The following SPCS2 variants were observed in gnomAD, a reference collection of about 807,000 sequenced individuals.
SPCS2 encodes SPase 25 kDa subunit.
SPCS2 carries 3 observed loss-of-function variants against 22.3 expected under a neutral mutation model. The ratio of observed to expected loss-of-function variants is 0.13; its 90% CI spans 0.06 to 0.35. SPCS2 has a LOEUF of 0.35. Among genes scored for constraint, SPCS2 ranks in the 10% least tolerant of loss-of-function variants. The pLI is 1.00. For synonymous variants in SPCS2, 67 were observed against 97.2 expected (o/e 0.69, Z 1.83); for missense variants, 169 against 280.9 (o/e 0.60, Z 2.85).
At chr11:74,953,060 G>A (rs543113569) in intron 1 of SPCS2, among the ~76,000 whole-genome samples, 6 of 152,302 alleles carry the variant, frequency 3.9e-5, no homozygotes, top group African/African-American at 1.2e-4. Context: ...TCAGTCTTCA[G>A]AAACAGCTTT....
intron 1 of SPCS2, among the ~76,000 whole-genome samples, chr11:74,955,325 C>T (rs997724824): frequency 6.6e-6 from 1 of 152,190 alleles, no homozygotes. Flanking sequence ...TAGAAACAGT[C>T]TGTCAGCTGA....
At chr11:74,949,724 C>A (rs1038790366) in intron 1 of SPCS2, 3 of 454,760 alleles carry the variant, frequency 6.6e-6, no homozygotes, top group Admixed American at 2.4e-5. Context: ...GTTGTCAGTG[C>A]CCATTTCACA....
intron 4 of SPCS2, among the ~76,000 whole-genome samples, chr11:74,974,111 C>CT (rs11454192): frequency 0.69 from 102,245 of 148,296 alleles, 36,219 homozygotes; most frequent in Middle Eastern, 0.85. Context: ...CTTTGTAATA[C>CT]TTTTTTTTTT....
intron 4 of SPCS2, among the ~76,000 whole-genome samples, chr11:74,974,905 C>T (rs1948606608): frequency 6.6e-6 from 1 of 152,136 alleles, no homozygotes; most frequent in African/African-American, 2.4e-5. Context: ...TGAGCCACGG[C>T]ACCCGGCCCA....
At chr11:74,953,590 AT>A (rs1948459270) in intron 1 of SPCS2, among the ~76,000 whole-genome samples, 1 of 152,206 alleles carries the variant, frequency 6.6e-6, no homozygotes, top group Non-Finnish European at 1.5e-5. Flanking sequence ...AAGAAGTGTA[AT>A]AAAGAGATGC....
At chr11:74,950,817 A>C (rs1414393989) in intron 1 of SPCS2, among the ~76,000 whole-genome samples, 2 of 152,188 alleles carry the variant, frequency 1.3e-5, no homozygotes, top group Non-Finnish European at 2.9e-5. Context: ...AAGTGCTGGG[A>C]TTACAGGCAT....
chr11:74,951,365 C>A (rs572594749), intron 1 of SPCS2, among the ~76,000 whole-genome samples: 1 of 152,196 alleles, frequency 6.6e-6, no homozygotes, highest in South Asian at 2.1e-4. Flanking sequence ...ATCAAGAATC[C>A]TACTGTCAGA....
intron 1 of SPCS2, among the ~76,000 whole-genome samples, chr11:74,953,011 C>T (rs945591725): frequency 6.6e-6 from 1 of 152,112 alleles, no homozygotes; most frequent in Non-Finnish European, 1.5e-5. Context: ...GTACTTTTAG[C>T]ATTGAATTTC....
intron 3 of SPCS2, among the ~76,000 whole-genome samples, 181 bp from the exon 4 acceptor site, chr11:74,969,384 G>C (rs1948567871): frequency 6.6e-6 from 1 of 152,094 alleles, no homozygotes; most frequent in Admixed American, 6.5e-5. Flanking sequence ...AGAGAGCCTT[G>C]CTTCTCTTGG....
intron 3 of SPCS2, chr11:74,968,148 C>G (rs1482664901): frequency 6.6e-6 from 1 of 152,050 alleles, no homozygotes; most frequent in Non-Finnish European, 1.5e-5. Flanking sequence ...CTATATTTTC[C>G]TGCCTTTCCT....
intron 4 of SPCS2, among the ~76,000 whole-genome samples, chr11:74,972,692 C>T (rs1189067952): frequency 6.6e-6 from 1 of 151,476 alleles, no homozygotes; most frequent in African/African-American, 2.4e-5. Flanking sequence ...CCCCTATAAC[C>T]TAGCCATCTC....
intron 3 of SPCS2, among the ~76,000 whole-genome samples, chr11:74,967,283 C>T (rs1948552340): frequency 6.6e-6 from 1 of 152,146 alleles, no homozygotes; most frequent in East Asian, 1.9e-4. Flanking sequence ...AGAGACAGTT[C>T]CCAGGGGAAT....
At chr11:74,974,881 T>C (rs1349585802) in intron 4 of SPCS2, among the ~76,000 whole-genome samples, 1 of 152,192 alleles carries the variant, frequency 6.6e-6, no homozygotes, top group East Asian at 1.9e-4. Context: ...CCCAAAGTGC[T>C]GGGATTATAG....
At chr11:74,969,110 G>C (rs867244630) in intron 3 of SPCS2, among the ~76,000 whole-genome samples, 3 of 152,116 alleles carry the variant, frequency 2.0e-5, no homozygotes, top group Non-Finnish European at 4.4e-5. Context: ...GGAAGTAATC[G>C]TAGTACTATT....
In SPCS2 at chr11:74,965,108, T is replaced by C. The variant is rs989866033; in HGVS notation, c.189T>C (p.Ser63=). Residue 63 remains serine, a synonymous_variant, in exon 2 of 5, where the codon TCT becomes TCC. Transcript: ENST00000263672. ...GSAVKNSLDD[S]AKKVLLEKYK... is the part of the protein sequence containing the mutation. ...CTGTGAAAAACTCTTTGGATGATTC[T>C]GCCAAAAAGGTACTTTCTTGAGGAG... 1.1e-5 allele frequency: 17 copies of C among 1,549,856 alleles called. No homozygotes were observed. Among genetic ancestry groups the C allele is most frequent in the African/African-American group, 1.4e-5 (1 of 72,932 alleles).
At position 74,978,945 on chromosome 11, in the gene SPCS2, T is replaced by G. The variant is rs1310701504; in HGVS notation, c.*1902T>G. ...TTGAATTATGTTGATATATGTCCTG[T>G]AATTTGTGTTTTAAACTTAATATAT... On this transcript the variant is annotated 3_prime_UTR_variant, in exon 5 of 5. Transcript: ENST00000263672. The G allele has an allele frequency of 6.6e-6, 1 of 152,222 alleles. No homozygotes were observed. Among genetic ancestry groups the G allele is most frequent in the African/African-American group, 2.4e-5 (1 of 41,438 alleles). The allele number at this position is 152,222 out of a possible 1,614,324, so 9.4% of individuals were successfully genotyped here. A position where few individuals can be genotyped will look rare whatever the true frequency, so the allele number is the denominator to read the frequency against.
intron 4 of SPCS2, among the ~76,000 whole-genome samples, chr11:74,970,516 C>T (rs907672556): frequency 6.6e-6 from 1 of 152,200 alleles, no homozygotes; most frequent in Admixed American, 6.5e-5. Context: ...CTCGTAGTCA[C>T]TATCTTAAAA....
intron 1 of SPCS2, among the ~76,000 whole-genome samples, chr11:74,950,659 C>T (rs538069639): frequency 5.9e-5 from 9 of 152,294 alleles, no homozygotes; most frequent in African/African-American, 2.2e-4. Flanking sequence ...ACCCCAGCTT[C>T]CTGAGTAGCT....
intron 1 of SPCS2, among the ~76,000 whole-genome samples, chr11:74,962,360 C>T (rs1948519393): frequency 6.6e-6 from 1 of 152,074 alleles, no homozygotes; most frequent in Non-Finnish European, 1.5e-5. Context: ...AGCCAAGGGC[C>T]AACCTTGCAA....
Sources: gnomAD v4.1 joint callset for allele counts (sites outside exome capture counted in the v4.1 genomes callset) on GRCh38, gnomAD v4.1.1 for gene constraint, MANE v1.5 for transcripts, NCBI Gene and HGNC (gene_info 2026-07-23, HGNC 2026-07-21) for gene names.